The following RAPGEF2 variants were observed in gnomAD, a reference collection of about 807,000 sequenced individuals.
RAPGEF2 encodes the protein Rap guanine nucleotide exchange factor 2.
In RAPGEF2, 54 loss-of-function variants were observed where a neutral mutation model predicts 186.7. That is an observed-to-expected ratio of 0.29 (90% CI 0.23 to 0.36). The LOEUF (loss-of-function observed/expected upper bound fraction) is 0.36, where lower values mean the gene tolerates loss of function less well. Among genes scored for constraint, RAPGEF2 ranks in the 10% least tolerant of loss-of-function variants. The pLI is 1.00. For missense variants in RAPGEF2, 1,532 were observed against 2,045.0 expected, an observed-to-expected ratio of 0.75 and a Z score of 4.84; for synonymous variants, 712 against 705.9, an observed-to-expected ratio of 1.01 and a Z score of -0.14.
At chr4:159,317,155 A>G (rs1002735780) in intron 9 of RAPGEF2, among the ~76,000 whole-genome samples, 7 of 152,302 alleles carry the variant, frequency 4.6e-5, no homozygotes, top group Admixed American at 4.6e-4. Flanking sequence ...TCAGCTATAT[A>G]CATATTCTAG....
intron 25 of RAPGEF2, among the ~76,000 whole-genome samples, chr4:159,347,422 A>G (rs1730479032): frequency 6.6e-6 from 1 of 152,234 alleles, no homozygotes; most frequent in African/African-American, 2.4e-5. Flanking sequence ...TCTATAACTT[A>G]GAGGGAAAAA....
chr4:159,173,537 A>T (rs1447787066), intron 1 of RAPGEF2, among the ~76,000 whole-genome samples: 1 of 152,138 alleles, frequency 6.6e-6, no homozygotes, highest in Non-Finnish European at 1.5e-5. Flanking sequence ...CCCCAGCTCA[A>T]CAAGGTTTCT....
At chr4:159,166,214 T>TGAGGCAGGAGAATTGCTTG (rs1436984250) in intron 1 of RAPGEF2, among the ~76,000 whole-genome samples, 1 of 152,038 alleles carries the variant, frequency 6.6e-6, no homozygotes, top group African/African-American at 2.4e-5. Context: ...CTTGGGAGGC[T>TGAGGCAGGAGAATTGCTTG]GAGGCAGGAG....
chr4:159,123,137 A>G (rs924650384), intron 1 of RAPGEF2, among the ~76,000 whole-genome samples: 1 of 152,224 alleles, frequency 6.6e-6, no homozygotes, highest in African/African-American at 2.4e-5. Context: ...CTTCTGGTCA[A>G]CAGTAGGCTA....
intron 4 of RAPGEF2, among the ~76,000 whole-genome samples, chr4:159,228,992 G>A (rs913643401): frequency 8.5e-5 from 13 of 152,084 alleles, no homozygotes; most frequent in Admixed American, 8.5e-4. Context: ...TGAAGACAAT[G>A]TTATGTGATT....
intron 17 of RAPGEF2, among the ~76,000 whole-genome samples, chr4:159,335,126 T>C (rs189122630): frequency 2.6e-4 from 39 of 152,278 alleles, no homozygotes; most frequent in African/African-American, 4.3e-4. Flanking sequence ...TTGAGTTTTT[T>C]CCTCAAACTT....
chr4:159,159,137 C>G (rs1744431125), intron 1 of RAPGEF2, among the ~76,000 whole-genome samples: 1 of 152,172 alleles, frequency 6.6e-6, no homozygotes, highest in African/African-American at 2.4e-5. Context: ...ATACTTCCCT[C>G]AGTTGTTTTC....
chr4:159,220,851 T>G (rs1396279969), intron 4 of RAPGEF2, among the ~76,000 whole-genome samples: 2 of 152,224 alleles, frequency 1.3e-5, no homozygotes, highest in African/African-American at 4.8e-5. Flanking sequence ...AATTATATTT[T>G]TAACTTGACC....
intron 7 of RAPGEF2, among the ~76,000 whole-genome samples, chr4:159,251,931 T>C (rs926197612): frequency 3.3e-5 from 5 of 151,962 alleles, no homozygotes; most frequent in Non-Finnish European, 7.4e-5. Context: ...GCCACGTCTT[T>C]AAGAGCGGTA....
At chr4:159,123,484 G>A (rs1272475540) in intron 1 of RAPGEF2, among the ~76,000 whole-genome samples, 1 of 151,156 alleles carries the variant, frequency 6.6e-6, no homozygotes, top group Non-Finnish European at 1.5e-5. Context: ...GCCAGGTTAA[G>A]TATTTTCTTT....
Position 159,345,186 on chromosome 4 carries a change from G to T in RAPGEF2, c.3359G>T (p.Ser1120Ile). 3 of 1,614,194 alleles carry T rather than the reference G, an allele frequency of 1.9e-6. No homozygotes were observed. The highest frequency in any genetic ancestry group is 2.5e-6 in the Non-Finnish European group (3 of 1,180,016). The stretch of plus-strand genomic sequence containing the variant: ...GGTCATAAAAAGCGGGTACGTCGTA[G>T]TTCCTTTCTCAATGCCAAAAAGCTT... ...TGGHKKRVRRSSFLNAKKLYE... is the reference protein window; with the variant it reads ...TGGHKKRVRRISFLNAKKLYE... Residue 1120 changes from serine to isoleucine, a missense_variant, in exon 24 of 30, where the codon AGT (serine) becomes ATT (isoleucine). Transcript: ENST00000691494.
At chr4:159,160,044 C>A (rs891297981) in intron 1 of RAPGEF2, among the ~76,000 whole-genome samples, 18 of 152,192 alleles carry the variant, frequency 1.2e-4, no homozygotes, top group Non-Finnish European at 1.0e-4. Flanking sequence ...ATTAATTGGA[C>A]ACTTACATAG....
At chr4:159,170,004 A>G (rs1745736075) in intron 1 of RAPGEF2, among the ~76,000 whole-genome samples, 1 of 151,514 alleles carries the variant, frequency 6.6e-6, no homozygotes, top group Non-Finnish European at 1.5e-5. Context: ...ACTGTTTTCC[A>G]TAATGAATAT....
intron 7 of RAPGEF2, among the ~76,000 whole-genome samples, chr4:159,303,626 T>C (rs1762938997): frequency 6.6e-6 from 1 of 150,642 alleles, no homozygotes; most frequent in African/African-American, 2.5e-5. Context: ...GGTAAATATT[T>C]GTCAAATAAG....
intron 7 of RAPGEF2, chr4:159,268,250 C>A: frequency 6.8e-7 from 1 of 1,473,876 alleles, no homozygotes; most frequent in Non-Finnish European, 9.5e-7. Flanking sequence ...GCTTTGATAG[C>A]ACGTCATAGA....
intron 1 of RAPGEF2, among the ~76,000 whole-genome samples, chr4:159,185,420 T>C (rs952442313): frequency 1.3e-5 from 2 of 152,154 alleles, no homozygotes; most frequent in African/African-American, 2.4e-5. Context: ...ATCCTAAATG[T>C]CCATCAATTG....
intron 4 of RAPGEF2, among the ~76,000 whole-genome samples, chr4:159,231,537 A>G (rs944381049): frequency 2.0e-5 from 3 of 152,142 alleles, no homozygotes; most frequent in Non-Finnish European, 4.4e-5. Context: ...ATATATGACC[A>G]TGGATAAAGA....
chr4:159,217,515 C>T (rs1254792734), intron 4 of RAPGEF2, among the ~76,000 whole-genome samples: 2 of 152,202 alleles, frequency 1.3e-5, no homozygotes, highest in Non-Finnish European at 2.9e-5. Context: ...TAGTAGCATT[C>T]CATGGTGTAT....
chr4:159,337,889 CAAA>C (rs553291521), intron 17 of RAPGEF2, among the ~76,000 whole-genome samples: 5,011 of 31,986 alleles, frequency 0.16, 215 homozygotes, highest in African/African-American at 0.33. Context: ...GACTCCATCT[CAAA>C]AAAAAAAAAA....
Sources: allele counts gnomAD v4.1 joint callset (sites outside exome capture counted in the v4.1 genomes callset), GRCh38; gene constraint gnomAD v4.1.1; transcripts MANE v1.5; gene names NCBI Gene and HGNC (gene_info 2026-07-23, HGNC 2026-07-21).